The following MBD5 variants were observed in gnomAD, a reference collection of about 807,000 sequenced individuals.
The protein encoded by MBD5 is methyl-CpG binding domain protein 5.
A neutral mutation model predicts 117.3 loss-of-function variants in MBD5; 13 were observed. That is an observed-to-expected ratio of 0.11 (90% CI 0.07 to 0.18). The LOEUF (loss-of-function observed/expected upper bound fraction) is 0.18, where lower values mean the gene tolerates loss of function less well. Among genes scored for constraint, MBD5 ranks in the 10% least tolerant of loss-of-function variants. The pLI, the probability that MBD5 is intolerant of heterozygous loss-of-function variation, is 1.00. For synonymous variants in MBD5, 727 were observed against 766.4 expected, an observed-to-expected ratio of 0.95 and a Z score of 0.85; for missense variants, 1,879 against 2,093.8, an observed-to-expected ratio of 0.90 and a Z score of 2.00.
intron 1 of MBD5, among the ~76,000 whole-genome samples, chr2:148,082,173 C>T (rs531750263): frequency 1.3e-5 from 2 of 152,264 alleles, no homozygotes; most frequent in South Asian, 4.1e-4. Context: ...TTTTCACAAA[C>T]CCCACACCTT....
intron 1 of MBD5, among the ~76,000 whole-genome samples, chr2:148,108,983 G>T (rs1033687395): frequency 7.9e-5 from 12 of 152,140 alleles, no homozygotes; most frequent in African/African-American, 2.4e-4. Context: ...AGGATGGAAG[G>T]GATGGAGGGA....
intron 1 of MBD5, among the ~76,000 whole-genome samples, chr2:148,086,061 A>T (rs142771874): frequency 1.3e-4 from 20 of 152,198 alleles, no homozygotes; most frequent in Non-Finnish European, 1.2e-4. Flanking sequence ...AGAGATGCTG[A>T]TGCGTGTGAT....
chr2:148,455,899 C>A (rs570749987), intron 4 of MBD5, among the ~76,000 whole-genome samples: 1 of 151,968 alleles, frequency 6.6e-6, no homozygotes, highest in African/African-American at 2.4e-5. Flanking sequence ...GTAAAAAAAA[C>A]AAGTTTGGTC....
intron 4 of MBD5, among the ~76,000 whole-genome samples, chr2:148,361,255 G>A (rs778992494): frequency 8.6e-5 from 13 of 152,036 alleles, no homozygotes; most frequent in Non-Finnish European, 1.3e-4. Context: ...GAGGCTGAGG[G>A]AGGAGAATCT....
At chr2:148,070,850 G>T (rs1695331065) in intron 1 of MBD5, 1 of 150,742 alleles carries the variant, frequency 6.6e-6, no homozygotes, top group Non-Finnish European at 1.5e-5. Flanking sequence ...ATTATACCAA[G>T]TTTTTTGTTT....
intron 4 of MBD5, among the ~76,000 whole-genome samples, chr2:148,425,526 A>C (rs1023224916): frequency 1.7e-4 from 26 of 152,302 alleles, no homozygotes; most frequent in African/African-American, 6.0e-4. Context: ...ATCCTCCCTA[A>C]CTCATTTTAT....
At chr2:148,322,108 A>T (rs1702297340) in intron 3 of MBD5, among the ~76,000 whole-genome samples, 1 of 152,202 alleles carries the variant, frequency 6.6e-6, no homozygotes, top group South Asian at 2.1e-4. Context: ...GGAGAAGCTC[A>T]TAGGCTAGCC....
chr2:148,350,524 A>T (rs540372569), intron 4 of MBD5, among the ~76,000 whole-genome samples: 38 of 152,164 alleles, frequency 2.5e-4, no homozygotes, highest in African/African-American at 9.1e-4. Flanking sequence ...AGAATTTTGC[A>T]ATACAGTTTT....
At chr2:148,156,769 T>C (rs1005716578) in intron 1 of MBD5, among the ~76,000 whole-genome samples, 1 of 152,230 alleles carries the variant, frequency 6.6e-6, no homozygotes, top group Non-Finnish European at 1.5e-5. Context: ...AAACTAATGA[T>C]AATTATTTAT....
intron 3 of MBD5, among the ~76,000 whole-genome samples, chr2:148,236,148 C>T (rs1047039893): frequency 1.3e-5 from 2 of 151,994 alleles, no homozygotes; most frequent in Non-Finnish European, 2.9e-5. Flanking sequence ...TGCTAACATC[C>T]AGGCAAGACC....
At chr2:148,353,382 G>T (rs181151774) in intron 4 of MBD5, among the ~76,000 whole-genome samples, 1 of 151,930 alleles carries the variant, frequency 6.6e-6, no homozygotes, top group Non-Finnish European at 1.5e-5. Flanking sequence ...TGTAAGCCTC[G>T]CTTCTCTTTC....
At chr2:148,200,768 T>A (rs981661930) in intron 2 of MBD5, among the ~76,000 whole-genome samples, 3 of 152,038 alleles carry the variant, frequency 2.0e-5, no homozygotes, top group Non-Finnish European at 4.4e-5. Context: ...ACTGATGACT[T>A]TTAAAAATAC....
intron 4 of MBD5, among the ~76,000 whole-genome samples, chr2:148,389,972 G>A (rs1308919711): frequency 1.3e-5 from 2 of 151,876 alleles, no homozygotes; most frequent in African/African-American, 2.4e-5. Flanking sequence ...ATTTGCCTTT[G>A]GTCTTAGTTA....
chr2:148,078,924 A>G (rs1020617642), intron 1 of MBD5, among the ~76,000 whole-genome samples: 3 of 152,216 alleles, frequency 2.0e-5, no homozygotes, highest in Non-Finnish European at 2.9e-5. Context: ...TAATTGCCCC[A>G]TTGTTCATGG....
At chr2:148,163,945 T>A (rs1250709456) in intron 1 of MBD5, among the ~76,000 whole-genome samples, 2 of 152,176 alleles carry the variant, frequency 1.3e-5, no homozygotes, top group Non-Finnish European at 2.9e-5. Context: ...ACTACTGACT[T>A]CAAAAATGAG....
intron 3 of MBD5, among the ~76,000 whole-genome samples, chr2:148,237,823 A>G (rs749155165): frequency 2.0e-5 from 3 of 152,126 alleles, no homozygotes; most frequent in East Asian, 1.9e-4. Flanking sequence ...TAAGAACTCA[A>G]ATTCACAGAA....
At chr2:148,231,261 AG>A (rs892366745) in intron 2 of MBD5, among the ~76,000 whole-genome samples, 8 of 152,164 alleles carry the variant, frequency 5.3e-5, no homozygotes, top group African/African-American at 1.9e-4. Flanking sequence ...CTGGCTAAAC[AG>A]GCCTGGTTAA....
At chr2:148,217,173 G>T (rs1021240906) in intron 2 of MBD5, among the ~76,000 whole-genome samples, 2 of 152,180 alleles carry the variant, frequency 1.3e-5, no homozygotes. Flanking sequence ...TCTGTGATGG[G>T]GCTACGGTAT....
At chr2:148,240,400 A>G (rs1193814615) in intron 3 of MBD5, among the ~76,000 whole-genome samples, 3 of 143,178 alleles carry the variant, frequency 2.1e-5, no homozygotes, top group African/African-American at 7.7e-5. Context: ...CATGTACCCT[A>G]GAACTTAAAG....
Sources: gnomAD v4.1 joint callset for allele counts (sites outside exome capture counted in the v4.1 genomes callset) on GRCh38, gnomAD v4.1.1 for gene constraint, MANE v1.5 for transcripts, NCBI Gene and HGNC (gene_info 2026-07-23, HGNC 2026-07-21) for gene names.